The following IMMP2L variants were observed in gnomAD, a reference collection of about 807,000 sequenced individuals.
IMMP2L encodes the protein mitochondrial inner membrane protease subunit 2.
IMMP2L carries 18 observed loss-of-function variants against 19.3 expected under a neutral mutation model. The observed-to-expected ratio is 0.93, with a 90% confidence interval of 0.64 to 1.38. IMMP2L has a LOEUF of 1.38. Ranked by LOEUF, IMMP2L falls within the 40% of genes most tolerant of loss-of-function variation. The pLI is 0.00. For missense variants in IMMP2L, 233 were observed against 218.2 expected (o/e 1.07, Z -0.43); for synonymous variants, 76 against 73.0 (o/e 1.04, Z -0.21).
chr7:111,516,453 T>G (rs1240863189), intron 2 of IMMP2L, among the ~76,000 whole-genome samples: 1 of 151,986 alleles, frequency 6.6e-6, no homozygotes, highest in Non-Finnish European at 1.5e-5. Context: ...TGTATCTGGG[T>G]AGAGAAGCCA....
chr7:110,713,224 T>C (rs1011195991), intron 5 of IMMP2L, among the ~76,000 whole-genome samples: 3 of 152,234 alleles, frequency 2.0e-5, no homozygotes, highest in Admixed American at 6.5e-5. Context: ...GCTGTAGGTA[T>C]ACAGTTTGAT....
chr7:111,309,154 G>A (rs1563041543), intron 3 of IMMP2L, among the ~76,000 whole-genome samples: 1 of 151,592 alleles, frequency 6.6e-6, no homozygotes, highest in Non-Finnish European at 1.5e-5. Context: ...GAAAAAATAA[G>A]AAGACATTAT....
intron 4 of IMMP2L, among the ~76,000 whole-genome samples, chr7:110,954,519 C>T (rs970691867): frequency 6.6e-6 from 1 of 152,072 alleles, no homozygotes; most frequent in African/African-American, 2.4e-5. Context: ...TTACTGAACA[C>T]ATTTAAGAGC....
At chr7:111,182,865 G>C (rs1462385595) in intron 3 of IMMP2L, among the ~76,000 whole-genome samples, 1 of 152,002 alleles carries the variant, frequency 6.6e-6, no homozygotes, top group Non-Finnish European at 1.5e-5. Context: ...TATGTAAATT[G>C]AAATTTGGAA....
chr7:110,967,628 A>C lies in IMMP2L; in HGVS notation c.240-4063T>G, dbSNP rs1256657632. ...CTACCATGTATTGGACACTATTTACATTGCATATATCCCAAGAGGCCTAAA... is the reference window on the plus strand; with the variant it reads ...CTACCATGTATTGGACACTATTTACCTTGCATATATCCCAAGAGGCCTAAA... On this transcript the variant is annotated intron_variant, in intron 3 of 5. Coordinates refer to ENST00000405709, the MANE Select transcript of IMMP2L (RefSeq NM_032549.4). Among the ~76,000 whole-genome samples the C allele has an allele frequency of 3.9e-5, 6 of 152,024 alleles. No homozygotes were observed. The East Asian group carries it at 1.2e-3, about 30-fold the overall frequency.
At chr7:110,756,770 T>C (rs1271305048) in intron 5 of IMMP2L, among the ~76,000 whole-genome samples, 1 of 152,100 alleles carries the variant, frequency 6.6e-6, no homozygotes, top group Non-Finnish European at 1.5e-5. Flanking sequence ...AAAGATGATC[T>C]TAAATACTGA....
intron 3 of IMMP2L, among the ~76,000 whole-genome samples, chr7:111,151,185 T>C (rs1230801593): frequency 6.6e-6 from 1 of 152,206 alleles, no homozygotes; most frequent in Non-Finnish European, 1.5e-5. Flanking sequence ...CAATCAGCAT[T>C]TGTTGAACTT....
chr7:111,016,036 T>C (rs1825481655), intron 3 of IMMP2L, among the ~76,000 whole-genome samples: 2 of 152,140 alleles, frequency 1.3e-5, no homozygotes, highest in Admixed American at 6.6e-5. Flanking sequence ...AATAATGTTA[T>C]GCTAAGAACA....
intron 3 of IMMP2L, among the ~76,000 whole-genome samples, chr7:111,240,186 T>A (rs1483662677): frequency 6.6e-6 from 1 of 151,980 alleles, no homozygotes; most frequent in Non-Finnish European, 1.5e-5. Context: ...TGTTTCCATT[T>A]CTTCTAGTCA....
rs570593673 is a variant in IMMP2L at position 111,320,949 on chromosome 7, G to C, written c.239+166289C>G. ...TGACTAGAATAGTACTTGGAACAAA[G>C]GAGACACTCACTAAATGTTTGCTGA... On this transcript the variant is annotated intron_variant, in intron 3 of 5. Transcript: ENST00000405709. 2.0e-5 allele frequency among the ~76,000 whole-genome samples: 3 copies of C among 152,098 alleles called. No homozygotes were observed. In the East Asian group the frequency reaches 5.8e-4, roughly 29 times the overall value.
intron 5 of IMMP2L, among the ~76,000 whole-genome samples, chr7:110,844,776 G>C: frequency 6.6e-6 from 1 of 151,850 alleles, no homozygotes; most frequent in East Asian, 1.9e-4. Flanking sequence ...AGGATGGACA[G>C]TTTCTCTCCC....
At chr7:110,991,338 A>G (rs1056203396) in intron 3 of IMMP2L, among the ~76,000 whole-genome samples, 2 of 152,184 alleles carry the variant, frequency 1.3e-5, no homozygotes, top group African/African-American at 2.4e-5. Context: ...AACATGTTCA[A>G]CATTGAAAAA....
At chr7:110,997,384 A>G (rs1823151079) in intron 3 of IMMP2L, among the ~76,000 whole-genome samples, 1 of 152,104 alleles carries the variant, frequency 6.6e-6, no homozygotes, top group South Asian at 2.1e-4. Context: ...GTATCAATGT[A>G]AGTTTCCATT....
chr7:111,468,252 A>G (rs1210479473), intron 3 of IMMP2L, among the ~76,000 whole-genome samples: 1 of 152,186 alleles, frequency 6.6e-6, no homozygotes. Context: ...AATAAAACAT[A>G]CATCCCTCAT....
chr7:111,075,773 C>T (rs926854093), intron 3 of IMMP2L, among the ~76,000 whole-genome samples: 2 of 152,152 alleles, frequency 1.3e-5, no homozygotes, highest in African/African-American at 4.8e-5. Flanking sequence ...ATGCTGATGA[C>T]TTCTAAATTT....
rs138677470 is a variant in IMMP2L at position 110,809,634 on chromosome 7, G to A, written c.408+76959C>T. ...TTTATGTAAAATACATTATGAACTA[G>A]ATAAATATAATAATTTCTTTATGTT... On this transcript the variant is annotated intron_variant, in intron 5 of 5. Transcript: ENST00000405709. 9.3e-3 allele frequency among the ~76,000 whole-genome samples: 1,409 copies of A among 152,048 alleles called. 14 individuals are homozygous for A. The highest frequency in any genetic ancestry group is 0.027 in the South Asian group (129 of 4,826).
intron 3 of IMMP2L, among the ~76,000 whole-genome samples, chr7:111,240,662 T>C (rs1345398254): frequency 6.6e-6 from 1 of 151,972 alleles, no homozygotes; most frequent in Non-Finnish European, 1.5e-5. Context: ...CATTTTCTTT[T>C]AACAGATTTT....
At chr7:111,163,667 A>C (rs987809036) in intron 3 of IMMP2L, among the ~76,000 whole-genome samples, 4 of 152,012 alleles carry the variant, frequency 2.6e-5, no homozygotes, top group African/African-American at 9.7e-5. Context: ...GGAAGGGATA[A>C]GGGGCTTGAT....
chr7:111,231,656 CAAGAGCAACACAT>C (rs1367611347), intron 3 of IMMP2L, among the ~76,000 whole-genome samples: 1 of 151,726 alleles, frequency 6.6e-6, no homozygotes, highest in East Asian at 1.9e-4. Flanking sequence ...TTTTATCTAC[CAAGAGCAACACAT>C]ATGTTAGGGG....
Sources: allele counts gnomAD v4.1 joint callset (sites outside exome capture counted in the v4.1 genomes callset), GRCh38; gene constraint gnomAD v4.1.1; transcripts MANE v1.5; gene names NCBI Gene and HGNC (gene_info 2026-07-23, HGNC 2026-07-21).